The following SPRED3 variants were observed in gnomAD, a reference collection of about 807,000 sequenced individuals.
SPRED3 encodes sprouty-related, EVH1 domain-containing protein 3.
A neutral mutation model predicts 37.6 loss-of-function variants in SPRED3; 23 were observed. That is an observed-to-expected ratio of 0.61 (90% CI 0.44 to 0.87). The LOEUF (loss-of-function observed/expected upper bound fraction) is 0.87. Ranked by LOEUF, SPRED3 falls within the 40% of genes least tolerant of loss-of-function variation. The pLI, the probability that SPRED3 is intolerant of heterozygous loss-of-function variation, is 0.00. For synonymous variants in SPRED3, 302 were observed against 279.6 expected, an observed-to-expected ratio of 1.08 and a Z score of -0.80; for missense variants, 584 against 618.6, an observed-to-expected ratio of 0.94 and a Z score of 0.59.
At position 38,397,841 on chromosome 19, in the gene SPRED3, GA is replaced by G. The variant is rs1277013849; in HGVS notation, c.*1697del. On this transcript the variant is annotated 3_prime_UTR_variant, in exon 6 of 6. Coordinates refer to ENST00000691638, the MANE Select transcript of SPRED3 (RefSeq NM_001394336.1). ...ATCCCAGCACTTTGGGAGGCCAAGG[GA>G]GGAGGATCGCTTAAGGCCAGGAGTT... 6.6e-6 allele frequency: 1 copy of G among 151,998 alleles called. No homozygotes were observed. The highest frequency in any genetic ancestry group is 2.4e-5 in the African/African-American group (1 of 41,250). The allele number at this position is 151,998 out of a possible 1,614,324, so 9.4% of individuals were successfully genotyped here.
chr19:38,395,590 C>G lies in SPRED3; in HGVS notation c.678C>G (p.Ser226=). The G allele has an allele frequency of 6.4e-7, 1 of 1,550,504 alleles. No homozygotes were observed. Among genetic ancestry groups the G allele is most frequent in the Non-Finnish European group, 8.7e-7 (1 of 1,152,840 alleles). The stretch of plus-strand genomic sequence containing the variant: ...GCGGCTACGAGGATTACCGGCGCTC[C>G]GGGCCACCCGCGCCCCTCGCCCTGT... ...GGRGYEDYRR[S]GPPAPLALST... The change falls in exon 6 of 6, where the codon TCC becomes TCG. Residue 226 remains serine (S), a synonymous_variant. Coordinates refer to ENST00000691638, the MANE Select transcript of SPRED3 (RefSeq NM_001394336.1). This position sits in a 1 kb window ranked among gnomAD's most constrained non-coding sequence, Gnocchi z 5.2.
rs148388902 is a variant in SPRED3, at chr19:38,394,995, G to C, written c.567+209G>C. Among the ~76,000 whole-genome samples the C allele has an allele frequency of 4.7e-4, 71 of 152,330 alleles. No individual in the cohort carries two copies. The East Asian group carries it at 0.013, about 27-fold the overall frequency. Reference sequence around the variant, plus strand: ...TAGGAGGCTTGGGTGCGGGCCTCCCGAGTCTCCTTGCGCTCTTGGAGATTT... The same window carrying C: ...TAGGAGGCTTGGGTGCGGGCCTCCCCAGTCTCCTTGCGCTCTTGGAGATTT... On this transcript the variant is annotated intron_variant, in intron 5 of 5. Transcript: ENST00000691638.
chr19:38,391,030 T>A (rs1970826286), intron 2 of SPRED3, among the ~76,000 whole-genome samples: 1 of 151,652 alleles, frequency 6.6e-6, no homozygotes, highest in East Asian at 1.9e-4. Flanking sequence ...TAGAAAGATA[T>A]GGATTGTGTG....
Position 38,398,224 on chromosome 19 carries a change from C to CTATTTATTTTATT in SPRED3, c.*2088_*2089insTATTTATTTATTT, listed in dbSNP as rs1970921174. 6.6e-6 allele frequency: 1 copy of CTATTTATTTTATT among 151,620 alleles called. No homozygotes were observed. The highest frequency in any genetic ancestry group is 1.5e-5 in the Non-Finnish European group (1 of 67,956). The allele number at this position is 151,620 out of a possible 1,614,324, so 9.4% of individuals were successfully genotyped here. On this transcript the variant is annotated 3_prime_UTR_variant, in exon 6 of 6. Transcript: ENST00000691638. ...CCCCCTCCATTAACCCCTTCTCTTC[C>CTATTTATTTTATT]TATTTATTTATTTATTTATTTATTT...
At position 38,394,751 on chromosome 19, in the gene SPRED3, A is replaced by G. The variant is rs1344225315; in HGVS notation, c.532A>G (p.Thr178Ala). Residue 178 changes from threonine (T) to alanine (A), a missense_variant, in exon 5 of 6, where the codon ACC becomes GCC. By Grantham distance (58) the Thr-to-Ala change is moderately conservative (BLOSUM62 0). This residue lies in a region of SPRED3 where 310 missense variants were observed against 281.1 expected (regional missense o/e 1.10). Transcript: ENST00000691638. ...TMESASGFGP[T>A]TPPQRRRSSA... is the part of the protein sequence containing the mutation. ...GGAGTCAGCTTCAGGCTTCGGGCCG[A>G]CCACGCCCCCCCAGCGCCGCCGCTC... 1 of 1,580,642 alleles carries G rather than the reference A, an allele frequency of 6.3e-7. No homozygotes were observed.
At position 38,395,412 on chromosome 19, in the gene SPRED3, C is replaced by G; in HGVS notation, c.568-68C>G. On this transcript the variant is annotated intron_variant, in intron 5 of 5. Coordinates refer to ENST00000691638, the MANE Select transcript of SPRED3 (RefSeq NM_001394336.1). The surrounding 1 kb of genome is among the most constrained non-coding windows in gnomAD (Gnocchi z 5.2). The stretch of plus-strand genomic sequence containing the variant: ...TCTGAATCCCAGACCCAAGAGTGCG[C>G]TAGGGAACTGGATCCTTGAGGCTAA... The G allele has an allele frequency of 7.4e-7, 1 of 1,343,924 alleles. No individual in the cohort carries two copies. The highest frequency in any genetic ancestry group is 3.1e-5 in the East Asian group (1 of 32,260). The allele number at this position is 1,343,924 out of a possible 1,614,324, so 83.2% of individuals were successfully genotyped here.
chr19:38,396,205 C>G lies in SPRED3; in HGVS notation c.*60C>G. On this transcript the variant is annotated 3_prime_UTR_variant, in exon 6 of 6. Coordinates refer to ENST00000691638, the MANE Select transcript of SPRED3 (RefSeq NM_001394336.1). The stretch of plus-strand genomic sequence containing the variant: ...ACCCAAAATTGAGGGTCCAGGACCC[C>G]GGACTCCGTTCGGACCTAAAACCCA... 8.5e-7 allele frequency: 1 copy of G among 1,181,482 alleles called. No homozygotes were observed. Among genetic ancestry groups the G allele is most frequent in the Non-Finnish European group, 1.1e-6 (1 of 945,830 alleles). The allele number at this position is 1,181,482 out of a possible 1,614,324, so 73.2% of individuals were successfully genotyped here. A position where few individuals can be genotyped will look rare whatever the true frequency, so the allele number is the denominator to read the frequency against.
In SPRED3 at chr19:38,396,458, A is replaced by C. The variant is rs1970899518; in HGVS notation, c.*313A>C. On this transcript the variant is annotated 3_prime_UTR_variant, in exon 6 of 6. Coordinates refer to ENST00000691638, the MANE Select transcript of SPRED3 (RefSeq NM_001394336.1). Reference sequence around the variant, plus strand: ...ATCTCAGAAAGGCCAGGGAGCACATAGATCCCGAAAAGGGCAGGTCCCTGT... The same window carrying C: ...ATCTCAGAAAGGCCAGGGAGCACATCGATCCCGAAAAGGGCAGGTCCCTGT... The C allele has an allele frequency of 4.5e-6, 1 of 224,128 alleles. No individual in the cohort carries two copies. The highest frequency in any genetic ancestry group is 8.6e-6 in the Non-Finnish European group (1 of 115,612). The allele number at this position is 224,128 out of a possible 1,614,324, so 13.9% of individuals were successfully genotyped here.
intron 4 of SPRED3, 90 bp downstream of exon 4, chr19:38,392,378 C>T: frequency 4.5e-6 from 6 of 1,336,344 alleles, no homozygotes; most frequent in Non-Finnish European, 6.0e-6. Flanking sequence ...GTGTAGCAGG[C>T]ACCATGCCAC....
intron 5 of SPRED3, 28 bp downstream of exon 5, chr19:38,394,814 G>T: frequency 2.0e-6 from 3 of 1,524,834 alleles, no homozygotes; most frequent in Non-Finnish European, 8.8e-7. Flanking sequence ...GGGGCTCCTG[G>T]GGGAATGGGG....
chr19:38,394,266 C>T, intron 4 of SPRED3: 1 of 1,385,988 alleles, frequency 7.2e-7, no homozygotes, highest in Non-Finnish European at 9.7e-7. Context: ...GAGAGGGATT[C>T]TGAGAAGCGG....
Position 38,395,536 on chromosome 19 carries a change from A to G in SPRED3, c.624A>G (p.Ala208=). The part of the protein sequence containing the change: ...TGIPEPSEPL[A]GAGGLGWGGR... ...TTCCGGAACCCTCAGAGCCCCTGGC[A>G]GGGGCAGGGGGCCTGGGGTGGGGCG... Residue 208 remains alanine (A), a synonymous_variant, in exon 6 of 6, where the codon GCA becomes GCG. Coordinates refer to ENST00000691638, the MANE Select transcript of SPRED3 (RefSeq NM_001394336.1). This position sits in a 1 kb window ranked among gnomAD's most constrained non-coding sequence, Gnocchi z 5.2. 2 of 1,542,884 alleles carry G rather than the reference A, an allele frequency of 1.3e-6. No individual in the cohort carries two copies. The highest frequency in any genetic ancestry group is 1.7e-6 in the Non-Finnish European group (2 of 1,149,972).
intron 5 of SPRED3, 65 bp downstream of exon 5, chr19:38,394,851 G>C (rs1198200346): frequency 1.4e-6 from 2 of 1,457,564 alleles, no homozygotes; most frequent in Non-Finnish European, 1.8e-6. Context: ...CGAAGGGAGC[G>C]GGAGCCATGG....
At position 38,392,230 on chromosome 19, in the gene SPRED3, C is replaced by T; in HGVS notation, c.365C>T (p.Ser122Phe). The part of the protein sequence containing the change: ...ALGRGSLTPS[S>F]SSSSSSPSQD... ...GCCCCAGGCTCACTCACCCCCTCCT[C>T]CTCCTCCTCCTCCTCCTCTCCTTCC... Residue 122 changes from serine (S) to phenylalanine (F), a missense_variant, in exon 4 of 6, where the codon TCC becomes TTC. Physicochemically the swap from Ser to Phe is radical, Grantham distance 155. This residue lies in a region of SPRED3 where 310 missense variants were observed against 281.1 expected (regional missense o/e 1.10). Transcript: ENST00000691638. 6.3e-7 allele frequency: 1 copy of T among 1,589,440 alleles called. No individual in the cohort carries two copies. Among genetic ancestry groups the T allele is most frequent in the African/African-American group, 1.3e-5 (1 of 74,580 alleles).
rs1039053841 is a variant in SPRED3 at position 38,396,294 on chromosome 19, G to A, written c.*149G>A. 3.7e-6 allele frequency: 2 copies of A among 544,988 alleles called. No homozygotes were observed. Among genetic ancestry groups the A allele is most frequent in the Non-Finnish European group, 5.4e-6 (2 of 371,354 alleles). 33.8% of individuals were successfully genotyped at this position (544,988 alleles called of 1,614,324 possible). Reference sequence around the variant, plus strand: ...TTGAGAGATCTCAGACCTGGAACCTGGAACCCAAACCTAGGACTGAGAGAC... The same window carrying A: ...TTGAGAGATCTCAGACCTGGAACCTAGAACCCAAACCTAGGACTGAGAGAC... On this transcript the variant is annotated 3_prime_UTR_variant, in exon 6 of 6. Transcript: ENST00000691638.
Position 38,399,105 on chromosome 19 carries a change from C to T in SPRED3, c.*2960C>T, listed in dbSNP as rs1351615220. 1 of 144,566 alleles carries T rather than the reference C, an allele frequency of 6.9e-6. No individual in the cohort carries two copies. The highest frequency in any genetic ancestry group is 1.5e-5 in the Non-Finnish European group (1 of 65,762). 9.0% of individuals were successfully genotyped at this position (144,566 alleles called of 1,614,324 possible). On this transcript the variant is annotated 3_prime_UTR_variant, in exon 6 of 6. Transcript: ENST00000691638. ...GGGAAGCTCCATTCTTAACCTACCTCGTTTTGGGGAGGGGTGGGACGGGGG... is the reference window on the plus strand; with the variant it reads ...GGGAAGCTCCATTCTTAACCTACCTTGTTTTGGGGAGGGGTGGGACGGGGG...
rs1161951518 is a variant in SPRED3, at chr19:38,399,090, A to C, written c.*2945A>C. 6.9e-6 allele frequency: 1 copy of C among 144,556 alleles called. No homozygotes were observed. Among genetic ancestry groups the C allele is most frequent in the Non-Finnish European group, 1.5e-5 (1 of 65,742 alleles). 9.0% of individuals were successfully genotyped at this position (144,556 alleles called of 1,614,324 possible). ...CCATGGTGGGCGGGGGGGAAGCTCCATTCTTAACCTACCTCGTTTTGGGGA... is the reference window on the plus strand; with the variant it reads ...CCATGGTGGGCGGGGGGGAAGCTCCCTTCTTAACCTACCTCGTTTTGGGGA... On this transcript the variant is annotated 3_prime_UTR_variant, in exon 6 of 6. Coordinates refer to ENST00000691638, the MANE Select transcript of SPRED3 (RefSeq NM_001394336.1).
chr19:38,390,360 C>T lies in SPRED3; in HGVS notation c.58C>T (p.Pro20Ser). The T allele has an allele frequency of 7.2e-7, 1 of 1,381,182 alleles. No individual in the cohort carries two copies. Among genetic ancestry groups the T allele is most frequent in the Non-Finnish European group, 9.4e-7 (1 of 1,060,916 alleles). 85.6% of individuals were successfully genotyped at this position (1,381,182 alleles called of 1,614,324 possible). ...ARDDSSGGWL[P>S]VGGGGLSQVS... ...AGATGACTCCAGTGGGGGCTGGCTGCCTGTGGGGGGCGGGGGCCTCAGCCA... is the reference window on the plus strand; with the variant it reads ...AGATGACTCCAGTGGGGGCTGGCTGTCTGTGGGGGGCGGGGGCCTCAGCCA... The change falls in exon 2 of 6, where the codon CCT becomes TCT. Residue 20 changes from proline (P) to serine (S), a missense_variant. Around this residue, in one of 7 missense-constraint regions of SPRED3, gnomAD observed 20 missense variants for 39.0 expected, o/e 0.51. Coordinates refer to ENST00000691638, the MANE Select transcript of SPRED3 (RefSeq NM_001394336.1).
chr19:38,392,866 C>A (rs1266249433), intron 4 of SPRED3, among the ~76,000 whole-genome samples: 1 of 152,182 alleles, frequency 6.6e-6, no homozygotes, highest in Non-Finnish European at 1.5e-5. Flanking sequence ...ACTGTCAACT[C>A]CTTCCCTCCT....
Sources: gnomAD v4.1 joint callset for allele counts (sites outside exome capture counted in the v4.1 genomes callset) on GRCh38, gnomAD v4.1.1 for gene constraint, gnomAD v4.1.1 regional missense constraint, Gnocchi (gnomAD v3.1) non-coding constraint, MANE v1.5 for transcripts, NCBI Gene and HGNC (gene_info 2026-07-23, HGNC 2026-07-21) for gene names.